SLIT3: variants seen among roughly 807,000 people sequenced by gnomAD.
SLIT3 encodes the protein slit homolog 3 protein.
Under a neutral mutation model 184.0 loss-of-function variants are expected in SLIT3, and 68 were observed. The ratio of observed to expected loss-of-function variants is 0.37; its 90% CI spans 0.30 to 0.45. The LOEUF (loss-of-function observed/expected upper bound fraction) is 0.45, where lower values mean the gene tolerates loss of function less well. Ranked by LOEUF, SLIT3 falls within the 20% of genes least tolerant of loss-of-function variation. The pLI is 1.00. For missense variants in SLIT3, 1,707 were observed against 2,026.0 expected, an observed-to-expected ratio of 0.84 and a Z score of 3.02; for synonymous variants, 831 against 828.6, an observed-to-expected ratio of 1.00 and a Z score of -0.05.
chr5:168,867,488 C>CA (rs1276601092), intron 5 of SLIT3, among the ~76,000 whole-genome samples: 2 of 152,194 alleles, frequency 1.3e-5, no homozygotes, highest in African/African-American at 4.8e-5. Flanking sequence ...TGGGATGCTT[C>CA]AGTGAAAATG....
chr5:169,008,139 G>A (rs1427359114), intron 4 of SLIT3, among the ~76,000 whole-genome samples: 6 of 152,206 alleles, frequency 3.9e-5, no homozygotes, highest in African/African-American at 1.4e-4. Context: ...TTCACACAAG[G>A]AAAGATGAAG....
At position 168,823,245 on chromosome 5, in the gene SLIT3, A is replaced by C; in HGVS notation, c.629+15T>G. 2 of 1,608,746 alleles carry C rather than the reference A, an allele frequency of 1.2e-6. No individual in the cohort carries two copies. The highest frequency in any genetic ancestry group is 1.7e-6 in the Non-Finnish European group (2 of 1,175,114). On this transcript the variant is annotated intron_variant, in intron 7 of 35. Transcript: ENST00000519560. ...TAGGGAGAAAATGGGAGAGATGCAC[A>C]GACTTCTTACTCACAGAGTTCGGAT... is the stretch of plus-strand genomic sequence containing the variant.
At chr5:169,157,414 G>A (rs1762346186) in intron 4 of SLIT3, among the ~76,000 whole-genome samples, 1 of 152,114 alleles carries the variant, frequency 6.6e-6, no homozygotes. Flanking sequence ...CAGCCAGGTG[G>A]TATCAACAGA....
In SLIT3 at chr5:168,789,690, C is replaced by T. The variant is rs1355080160; in HGVS notation, c.1008-59G>A. On this transcript the variant is annotated intron_variant, in intron 10 of 35. Transcript: ENST00000519560. ...GCTCAAAGGTGCGATAACGGTCACT[C>T]CTAAGTGTGAATCAAGCATTTCAGA... 8 of 1,267,166 alleles carry T rather than the reference C, an allele frequency of 6.3e-6. No individual in the cohort carries two copies. The African/African-American group carries it at 8.8e-5, about 14-fold the overall frequency. The allele number at this position is 1,267,166 out of a possible 1,614,324, so 78.5% of individuals were successfully genotyped here.
intron 4 of SLIT3, chr5:169,018,603 G>A (rs2278391): frequency 0.18 from 27,625 of 152,138 alleles, 2,894 homozygotes; most frequent in East Asian, 0.51. Flanking sequence ...AGGCGTGAGC[G>A]CAAGAGTCCT....
chr5:169,182,934 A>G (rs757780321), intron 4 of SLIT3, among the ~76,000 whole-genome samples: 14 of 152,220 alleles, frequency 9.2e-5, no homozygotes, highest in Non-Finnish European at 1.8e-4. Context: ...ACCCCACCAC[A>G]GGTCACAGGG....
At chr5:169,014,411 GGT>G (rs1357883668) in intron 4 of SLIT3, among the ~76,000 whole-genome samples, 1 of 152,178 alleles carries the variant, frequency 6.6e-6, no homozygotes, top group African/African-American at 2.4e-5. Flanking sequence ...CTGAAGTACT[GGT>G]GGGGGAGAGG....
chr5:168,830,608 T>TAG (rs1264682689), intron 6 of SLIT3, among the ~76,000 whole-genome samples: 3 of 152,182 alleles, frequency 2.0e-5, no homozygotes. Context: ...TATGAAGTGT[T>TAG]TACTAAGTCC....
chr5:168,815,185 C>G (rs1375533363), intron 8 of SLIT3, among the ~76,000 whole-genome samples: 1 of 152,240 alleles, frequency 6.6e-6, no homozygotes, highest in Admixed American at 6.5e-5. Context: ...TAAAGGTGCT[C>G]CCACGTAACT....
intron 3 of SLIT3, among the ~76,000 whole-genome samples, chr5:169,225,332 C>G (rs1345374039): frequency 6.6e-6 from 1 of 152,262 alleles, no homozygotes. Flanking sequence ...CAAAATCTCT[C>G]TAACTGGAGA....
intron 9 of SLIT3, among the ~76,000 whole-genome samples, chr5:168,797,767 T>C (rs949255761): frequency 1.3e-5 from 2 of 152,128 alleles, no homozygotes; most frequent in African/African-American, 2.4e-5. Context: ...AGGTAAACCA[T>C]ATTGGCCCCA....
chr5:168,894,192 G>A (rs562670768), intron 4 of SLIT3, among the ~76,000 whole-genome samples: 1 of 152,334 alleles, frequency 6.6e-6, no homozygotes, highest in South Asian at 2.1e-4. Context: ...CTGGGCACAG[G>A]AAAGAGTAAG....
At chr5:168,914,682 C>A (rs879565336) in intron 4 of SLIT3, among the ~76,000 whole-genome samples, 3 of 152,178 alleles carry the variant, frequency 2.0e-5, no homozygotes, top group Admixed American at 2.0e-4. Context: ...GCGTACTTCT[C>A]TTTTCTGTAC....
chr5:169,265,126 C>T (rs1766347678), intron 1 of SLIT3, among the ~76,000 whole-genome samples: 3 of 151,744 alleles, frequency 2.0e-5, no homozygotes, highest in Admixed American at 1.3e-4. Flanking sequence ...ACTCCCTGCC[C>T]CTGTTTTGCT....
At chr5:168,902,866 G>A (rs1010157637) in intron 4 of SLIT3, among the ~76,000 whole-genome samples, 2 of 152,190 alleles carry the variant, frequency 1.3e-5, no homozygotes, top group Non-Finnish European at 2.9e-5. Context: ...GGGCAGGGGA[G>A]GCTGTTGAAT....
chr5:169,013,102 T>C (rs1285416399), intron 4 of SLIT3: 2 of 152,228 alleles, frequency 1.3e-5, no homozygotes, highest in African/African-American at 2.4e-5. Context: ...TTATCTTCCA[T>C]TGAGCAGAGG....
chr5:168,765,585 G>A (rs1171590125), intron 14 of SLIT3, among the ~76,000 whole-genome samples: 1 of 152,108 alleles, frequency 6.6e-6, no homozygotes, highest in Non-Finnish European at 1.5e-5. Context: ...CATTTGTTAT[G>A]CCTAATGCTC....
chr5:168,961,224 T>C (rs892472274), intron 4 of SLIT3, among the ~76,000 whole-genome samples: 4 of 152,142 alleles, frequency 2.6e-5, no homozygotes, highest in African/African-American at 9.7e-5. Flanking sequence ...CAGGACATAA[T>C]TACTAAAGAC....
chr5:169,286,171 C>T (rs988194732), intron 1 of SLIT3, among the ~76,000 whole-genome samples: 1 of 152,136 alleles, frequency 6.6e-6, no homozygotes, highest in African/African-American at 2.4e-5. Context: ...GCATTCAAAA[C>T]CAGGTCACAC....
Sources: allele counts gnomAD v4.1 joint callset (sites outside exome capture counted in the v4.1 genomes callset), GRCh38; gene constraint gnomAD v4.1.1; transcripts MANE v1.5; gene names NCBI Gene and HGNC (gene_info 2026-07-23, HGNC 2026-07-21).